Variants in PLCE1 observed in about 807,000 individuals in gnomAD.
PLCE1 encodes the protein 1-phosphatidylinositol 4,5-bisphosphate phosphodiesterase epsilon-1.
Under a neutral mutation model 242.8 loss-of-function variants are expected in PLCE1, and 119 were observed. The observed-to-expected ratio is 0.49, with a 90% confidence interval of 0.42 to 0.57. The LOEUF (loss-of-function observed/expected upper bound fraction) is 0.57. Among genes scored for constraint, PLCE1 ranks in the 20% least tolerant of loss-of-function variants. The pLI is 0.00. For missense variants in PLCE1, 2,441 were observed against 2,788.8 expected, an observed-to-expected ratio of 0.88 and a Z score of 2.81; for synonymous variants, 945 against 1,017.4, an observed-to-expected ratio of 0.93 and a Z score of 1.35.
intron 21 of PLCE1, among the ~76,000 whole-genome samples, 191 bp from the exon 22 acceptor site, chr10:94,284,657 A>T (rs942283166): frequency 1.3e-5 from 2 of 152,174 alleles, no homozygotes; most frequent in Non-Finnish European, 2.9e-5. Context: ...ATGGAGGATG[A>T]ATTAGACTCA....
At chr10:94,195,941 G>T (rs999048833) in intron 4 of PLCE1, among the ~76,000 whole-genome samples, 5 of 152,154 alleles carry the variant, frequency 3.3e-5, no homozygotes, top group African/African-American at 1.2e-4. Context: ...AATTAGGCCA[G>T]ATGATATCTA....
chr10:94,129,210 C>T (rs1290253488), intron 2 of PLCE1, among the ~76,000 whole-genome samples: 1 of 152,164 alleles, frequency 6.6e-6, no homozygotes, highest in Non-Finnish European at 1.5e-5. Context: ...GGATGATTGC[C>T]TATTTCAGAG....
At chr10:94,105,042 T>G (rs2045677184) in intron 2 of PLCE1, 2 of 152,194 alleles carry the variant, frequency 1.3e-5, no homozygotes, top group African/African-American at 4.8e-5. Flanking sequence ...ATATAATCAG[T>G]TGGAAATGAG....
intron 18 of PLCE1, among the ~76,000 whole-genome samples, chr10:94,271,749 A>G (rs941168597): frequency 5.3e-5 from 8 of 152,160 alleles, no homozygotes; most frequent in South Asian, 2.1e-4. Context: ...CCTGCCCCCA[A>G]TGTTTCAACG....
At chr10:94,156,547 C>A (rs1161975563) in intron 3 of PLCE1, among the ~76,000 whole-genome samples, 1 of 152,114 alleles carries the variant, frequency 6.6e-6, no homozygotes, top group Non-Finnish European at 1.5e-5. Flanking sequence ...AGGTTCCATA[C>A]CCTCTCTGGG....
chr10:94,077,181 G>A (rs1232909012), intron 2 of PLCE1, among the ~76,000 whole-genome samples: 3 of 152,236 alleles, frequency 2.0e-5, no homozygotes, highest in Admixed American at 6.5e-5. Flanking sequence ...GTGTTTCCCA[G>A]TTGGGGGCAG....
rs1339992165 is a variant in PLCE1 at position 94,031,677 on chromosome 10, G to C, written c.631G>C (p.Asp211His). 1 of 1,613,890 alleles carries C rather than the reference G, an allele frequency of 6.2e-7. No individual in the cohort carries two copies. Among genetic ancestry groups the C allele is most frequent in the South Asian group, 1.1e-5 (1 of 91,070 alleles). ...TACCCTATCAGAAAACTTAATTTTA[G>C]ACGATTGTGGAAATTGTGTACCACT... ...FCTLSENLIL[D>H]DCGNCVPLPG... is the part of the protein sequence containing the mutation. The change falls in exon 2 of 33, where the codon GAC becomes CAC. Residue 211 changes from aspartate to histidine, a missense_variant. Asp to His is a moderately conservative substitution (Grantham distance 81, BLOSUM62 -1). Coordinates refer to ENST00000371380, the MANE Select transcript of PLCE1 (RefSeq NM_016341.4).
intron 4 of PLCE1, 25 bp from the exon 5 acceptor site, chr10:94,227,281 G>T: frequency 5.6e-6 from 9 of 1,612,560 alleles, no homozygotes; most frequent in Admixed American, 1.7e-5. Context: ...CATAATTCCC[G>T]TGAATGTCTC....
At chr10:94,023,116 G>T (rs1226031029) in intron 1 of PLCE1, among the ~76,000 whole-genome samples, 1 of 152,158 alleles carries the variant, frequency 6.6e-6, no homozygotes, top group African/African-American at 2.4e-5. Context: ...AATTAATGCG[G>T]ACAGGTGGGT....
At chr10:94,184,717 T>C (rs1346057803) in intron 4 of PLCE1, among the ~76,000 whole-genome samples, 1 of 152,242 alleles carries the variant, frequency 6.6e-6, no homozygotes, top group Admixed American at 6.5e-5. Context: ...CATGCCAAGT[T>C]AGTTTTCTGT....
chr10:94,132,309 G>A lies in PLCE1; in HGVS notation c.1342G>A (p.Asp448Asn), dbSNP rs770058603. Residue 448 changes from aspartate (D) to asparagine (N), a missense_variant, in exon 3 of 33, where the codon GAC becomes AAC. By Grantham distance (23) the Asp-to-Asn change is conservative (BLOSUM62 1). Transcript: ENST00000371380. ...TCCATGCTTAAAGCAATGTGTCCGA[G>A]ACACTGTATGTGAGTATCGCGCCAC... ...VGPCLKQCVR[D>N]TVCEYRATLQ... The A allele has an allele frequency of 1.2e-6, 2 of 1,613,966 alleles. No individual in the cohort carries two copies. Among genetic ancestry groups the A allele is most frequent in the African/African-American group, 1.3e-5 (1 of 74,970 alleles).
intron 4 of PLCE1, among the ~76,000 whole-genome samples, chr10:94,210,363 G>A (rs140977518): frequency 1.3e-5 from 2 of 152,074 alleles, no homozygotes; most frequent in African/African-American, 2.4e-5. Flanking sequence ...TCCTTCTGAG[G>A]ATCTTTGTGA....
At chr10:94,244,583 T>C (rs2050614716) in intron 7 of PLCE1, among the ~76,000 whole-genome samples, 1 of 152,246 alleles carries the variant, frequency 6.6e-6, no homozygotes, top group African/African-American at 2.4e-5. Context: ...ACTAGCCTTT[T>C]CTGTGTATAC....
intron 2 of PLCE1, chr10:94,096,538 G>A (rs970813225): frequency 7.9e-5 from 12 of 152,128 alleles, no homozygotes; most frequent in Non-Finnish European, 1.8e-4. Flanking sequence ...TCACTATCAT[G>A]AGAACAGCAT....
At chr10:94,098,210 A>AT (rs776955429) in intron 2 of PLCE1, among the ~76,000 whole-genome samples, 6 of 152,236 alleles carry the variant, frequency 3.9e-5, no homozygotes. Flanking sequence ...GGGATTCACC[A>AT]TTCCTTCCTT....
chr10:94,224,993 G>A (rs941207278), intron 4 of PLCE1, among the ~76,000 whole-genome samples: 1 of 152,192 alleles, frequency 6.6e-6, no homozygotes, highest in African/African-American at 2.4e-5. Flanking sequence ...GCCCAGTGAA[G>A]TCCAGTACAG....
chr10:94,111,898 G>A (rs11187789), intron 2 of PLCE1, among the ~76,000 whole-genome samples: 38,318 of 152,052 alleles, frequency 0.25, 6,185 homozygotes, highest in Non-Finnish European at 0.35. Context: ...TATGGCTGTC[G>A]CAGTTTTGCT....
chr10:94,228,312 G>A (rs895855182), intron 5 of PLCE1, among the ~76,000 whole-genome samples: 2 of 152,122 alleles, frequency 1.3e-5, no homozygotes, highest in African/African-American at 4.8e-5. Context: ...AATCAAATTA[G>A]GAATCAAATC....
intron 3 of PLCE1, among the ~76,000 whole-genome samples, chr10:94,169,743 C>T (rs2047914718): frequency 6.6e-6 from 1 of 152,172 alleles, no homozygotes; most frequent in Admixed American, 6.5e-5. Flanking sequence ...GGAATTAGCA[C>T]CCGCCCCATC....
Sources: allele counts gnomAD v4.1 joint callset (sites outside exome capture counted in the v4.1 genomes callset), GRCh38; gene constraint gnomAD v4.1.1; transcripts MANE v1.5; gene names NCBI Gene and HGNC (gene_info 2026-07-23, HGNC 2026-07-21).